GSK3B: variants seen among roughly 807,000 people sequenced by gnomAD.
GSK3B encodes the protein glycogen synthase kinase 3 beta.
GSK3B carries 15 observed loss-of-function variants against 56.4 expected under a neutral mutation model. That is an observed-to-expected ratio of 0.27 (90% CI 0.18 to 0.41). The LOEUF is 0.41. Among genes scored for constraint, GSK3B ranks in the 10% least tolerant of loss-of-function variants. GSK3B has a pLI of 1.00. For synonymous variants in GSK3B, 181 were observed against 188.9 expected (o/e 0.96, Z 0.34); for missense variants, 300 against 513.4 (o/e 0.58, Z 4.02).
intron 7 of GSK3B, among the ~76,000 whole-genome samples, chr3:119,898,708 CT>C (rs1202622920): frequency 6.6e-6 from 1 of 152,140 alleles, no homozygotes; most frequent in Non-Finnish European, 1.5e-5. Context: ...TTCCCCTTAA[CT>C]GTGGAGGATA....
chr3:119,934,598 TAAAC>T (rs987365394), intron 3 of GSK3B, among the ~76,000 whole-genome samples: 21 of 152,302 alleles, frequency 1.4e-4, no homozygotes, highest in African/African-American at 5.1e-4. Flanking sequence ...AATGGGATCA[TAAAC>T]AAAAGACCTT....
intron 9 of GSK3B, among the ~76,000 whole-genome samples, chr3:119,860,824 A>T (rs2056091683): frequency 6.6e-6 from 1 of 152,242 alleles, no homozygotes; most frequent in Non-Finnish European, 1.5e-5. Flanking sequence ...GCACTCAAAC[A>T]TTCACTGAGC....
intron 3 of GSK3B, among the ~76,000 whole-genome samples, chr3:119,944,385 A>G (rs1380318838): frequency 5.3e-5 from 8 of 152,198 alleles, no homozygotes; most frequent in African/African-American, 2.4e-5. Context: ...CTGAAACCTC[A>G]AGAAGAAAAT....
At chr3:120,082,017 C>T (rs904254353) in intron 1 of GSK3B, among the ~76,000 whole-genome samples, 3 of 151,980 alleles carry the variant, frequency 2.0e-5, no homozygotes, top group African/African-American at 7.3e-5. Context: ...TCCACGGAGG[C>T]CAAGGCAATC....
intron 9 of GSK3B, among the ~76,000 whole-genome samples, chr3:119,846,449 A>C (rs1290140087): frequency 6.6e-6 from 1 of 152,208 alleles, no homozygotes; most frequent in Non-Finnish European, 1.5e-5. Context: ...CAAGAAAAAA[A>C]CAAACAATCC....
chr3:119,952,954 A>C (rs935395910), intron 2 of GSK3B, among the ~76,000 whole-genome samples: 2 of 152,114 alleles, frequency 1.3e-5, no homozygotes, highest in Non-Finnish European at 2.9e-5. Context: ...AATATAAAAG[A>C]CTATAGATAT....
chr3:120,046,050 A>G (rs146784986), intron 1 of GSK3B, among the ~76,000 whole-genome samples: 2 of 148,160 alleles, frequency 1.3e-5, no homozygotes, highest in African/African-American at 4.9e-5. Flanking sequence ...GATAGTAAAA[A>G]GTTCAGTGGT....
At chr3:119,889,584 T>A (rs2056478509) in intron 7 of GSK3B, among the ~76,000 whole-genome samples, 1 of 151,106 alleles carries the variant, frequency 6.6e-6, no homozygotes, top group South Asian at 2.1e-4. Flanking sequence ...ATAGAAAAAA[T>A]AAAAACCACT....
intron 1 of GSK3B, among the ~76,000 whole-genome samples, chr3:120,089,818 A>G (rs74782655): frequency 1.2e-4 from 19 of 152,302 alleles, no homozygotes; most frequent in African/African-American, 4.3e-4. Context: ...CTTTATAAAC[A>G]TTTATTTAAT....
chr3:119,935,224 A>C (rs1369502723), intron 3 of GSK3B, among the ~76,000 whole-genome samples: 1 of 152,160 alleles, frequency 6.6e-6, no homozygotes, highest in Non-Finnish European at 1.5e-5. Context: ...TAAGACATCA[A>C]CATAAAACTT....
intron 7 of GSK3B, among the ~76,000 whole-genome samples, chr3:119,887,939 A>C (rs1559823535): frequency 1.3e-5 from 2 of 152,112 alleles, no homozygotes; most frequent in East Asian, 3.9e-4. Flanking sequence ...GAAAATAGAG[A>C]TCTCTCCAAA....
At chr3:119,870,060 T>C (rs1308348117) in intron 8 of GSK3B, among the ~76,000 whole-genome samples, 1 of 152,218 alleles carries the variant, frequency 6.6e-6, no homozygotes, top group Non-Finnish European at 1.5e-5. Flanking sequence ...TGAGAGATAT[T>C]CACCCAGGCT....
intron 1 of GSK3B, among the ~76,000 whole-genome samples, chr3:120,047,673 G>T (rs1237782165): frequency 2.6e-5 from 4 of 152,188 alleles, no homozygotes; most frequent in Non-Finnish European, 5.9e-5. Context: ...GCACTATGCT[G>T]AGCAATGGAA....
In GSK3B at chr3:119,822,243, T is replaced by TTATATA. The variant is rs71156775; in HGVS notation, c.*4539_*4544dup. ...TAGTTTGTATACAACCCACAGTCCT[T>TTATATA]TATATATATATATATATATATATAA... is the stretch of plus-strand genomic sequence containing the variant. On this transcript the variant is annotated 3_prime_UTR_variant, in exon 11 of 11. Coordinates refer to ENST00000264235, the MANE Select transcript of GSK3B (RefSeq NM_001146156.2). The TTATATA allele has an allele frequency of 8.9e-4, 141 of 158,552 alleles. 1 individual carries two copies. The highest frequency in any genetic ancestry group is 1.5e-3 in the South Asian group (7 of 4,574). 9.8% of individuals were successfully genotyped at this position (158,552 alleles called of 1,614,324 possible).
intron 1 of GSK3B, among the ~76,000 whole-genome samples, chr3:120,037,444 C>T (rs2058032287): frequency 2.6e-5 from 4 of 152,032 alleles, no homozygotes; most frequent in African/African-American, 9.7e-5. Context: ...CACATTATCC[C>T]GAAGAACTTG....
At chr3:119,952,604 CA>C (rs780041028) in intron 2 of GSK3B, among the ~76,000 whole-genome samples, 69 of 135,084 alleles carry the variant, frequency 5.1e-4, no homozygotes, top group South Asian at 1.4e-3. Context: ...TTGAAGCCAC[CA>C]AAAAAAAAAA....
chr3:119,834,186 C>G (rs2055652157), intron 10 of GSK3B, among the ~76,000 whole-genome samples: 1 of 152,072 alleles, frequency 6.6e-6, no homozygotes. Flanking sequence ...TACTGTGTAC[C>G]TAACTCAGGA....
At chr3:119,958,127 TATAA>T (rs1156973838) in intron 2 of GSK3B, among the ~76,000 whole-genome samples, 1 of 152,130 alleles carries the variant, frequency 6.6e-6, no homozygotes, top group Non-Finnish European at 1.5e-5. Flanking sequence ...TTGATGGTTT[TATAA>T]ATGTTAGTTT....
intron 8 of GSK3B, among the ~76,000 whole-genome samples, chr3:119,875,343 C>T (rs1328898808): frequency 6.6e-6 from 1 of 151,946 alleles, no homozygotes; most frequent in Non-Finnish European, 1.5e-5. Flanking sequence ...TAAATTATTT[C>T]ACCTATAGCC....
Sources: allele counts gnomAD v4.1 joint callset (sites outside exome capture counted in the v4.1 genomes callset), GRCh38; gene constraint gnomAD v4.1.1; transcripts MANE v1.5; gene names NCBI Gene and HGNC (gene_info 2026-07-23, HGNC 2026-07-21).